The following MARCHF5 variants were observed in gnomAD, a reference collection of about 807,000 sequenced individuals.
The protein encoded by MARCHF5 is E3 ubiquitin-protein ligase MARCHF5.
In MARCHF5, 5 loss-of-function variants were observed where a neutral mutation model predicts 36.5. That is an observed-to-expected ratio of 0.14 (90% CI 0.07 to 0.29). The LOEUF is 0.29. MARCHF5 is among the 10% of genes least tolerant of loss of function. MARCHF5 has a pLI of 1.00. For missense variants in MARCHF5, 179 were observed against 336.3 expected (o/e 0.53, Z 3.66); for synonymous variants, 103 against 109.9 (o/e 0.94, Z 0.39).
intron 1 of MARCHF5, among the ~76,000 whole-genome samples, chr10:92,310,825 A>G (rs1336998455): frequency 6.6e-6 from 1 of 152,214 alleles, no homozygotes; most frequent in Non-Finnish European, 1.5e-5. Context: ...AACAAAAACA[A>G]CTTGAGGTTT....
chr10:92,340,817 C>T lies in MARCHF5; in HGVS notation c.369+14C>T. The T allele has an allele frequency of 6.3e-7, 1 of 1,587,442 alleles. No homozygotes were observed. Among genetic ancestry groups the T allele is most frequent in the South Asian group, 1.2e-5 (1 of 86,092 alleles). Reference sequence around the variant, plus strand: ...ACAGTGATGCAGGTTCACTATTTTACCTATATAGTGATATTACTTGGTGTG... The same window carrying T: ...ACAGTGATGCAGGTTCACTATTTTATCTATATAGTGATATTACTTGGTGTG... On this transcript the variant is annotated intron_variant, in intron 3 of 5. Coordinates refer to ENST00000358935, the MANE Select transcript of MARCHF5 (RefSeq NM_017824.5).
chr10:92,328,383 G>A (rs1220407068), intron 2 of MARCHF5, among the ~76,000 whole-genome samples: 2 of 149,510 alleles, frequency 1.3e-5, no homozygotes, highest in Admixed American at 6.6e-5. Context: ...TTCAATGGTG[G>A]TGTTGATTTT....
intron 2 of MARCHF5, among the ~76,000 whole-genome samples, chr10:92,313,970 A>C (rs990685875): frequency 6.6e-6 from 1 of 152,110 alleles, no homozygotes; most frequent in Non-Finnish European, 1.5e-5. Flanking sequence ...AGGTGGGTGG[A>C]TTGCTTGTGG....
Position 92,314,649 on chromosome 10 carries a change from GA to G in MARCHF5, c.238+3322del, listed in dbSNP as rs891126773. Among the ~76,000 whole-genome samples the G allele has an allele frequency of 3.3e-4, 45 of 137,812 alleles. 1 individual carries two copies. Among genetic ancestry groups the G allele is most frequent in the Middle Eastern group, 3.8e-3 (1 of 264 alleles). 90.4% of individuals were successfully genotyped at this position (137,812 alleles called of 152,430 possible). ...AGAGCAAGACTCTGTCTCAAAAAAA[GA>G]AAAAAAAAAGTATATCCTTCATTTG... is the stretch of plus-strand genomic sequence containing the variant. On this transcript the variant is annotated intron_variant, in intron 2 of 5. Transcript: ENST00000358935.
chr10:92,350,176 A>C, intron 5 of MARCHF5: 1 of 224,224 alleles, frequency 4.5e-6, no homozygotes, highest in Non-Finnish European at 8.7e-6. Context: ...TGAAATCTAA[A>C]TCAAATGTCT....
At position 92,353,488 on chromosome 10, in the gene MARCHF5, C is replaced by CA. The variant is rs930509010; in HGVS notation, c.*2282dup. 1 of 152,176 alleles carries CA rather than the reference C, an allele frequency of 6.6e-6. No homozygotes were observed. The highest frequency in any genetic ancestry group is 2.4e-5 in the African/African-American group (1 of 41,432). 9.4% of individuals were successfully genotyped at this position (152,176 alleles called of 1,614,324 possible). Reference sequence around the variant, plus strand: ...AGGATTAACTGAGAGATTAAAGGAACAGCAGCACTTAGGCTCAAAATCGCC... The same window carrying CA: ...AGGATTAACTGAGAGATTAAAGGAACAAGCAGCACTTAGGCTCAAAATCGCC... On this transcript the variant is annotated 3_prime_UTR_variant, in exon 6 of 6. Transcript: ENST00000358935.
intron 2 of MARCHF5, among the ~76,000 whole-genome samples, chr10:92,333,778 T>C (rs1012042647): frequency 2.0e-5 from 3 of 152,162 alleles, no homozygotes; most frequent in Non-Finnish European, 4.4e-5. Context: ...ATTCCAGACA[T>C]GTAGCAAAAA....
intron 2 of MARCHF5, among the ~76,000 whole-genome samples, chr10:92,320,571 G>A (rs962204688): frequency 5.9e-5 from 9 of 151,936 alleles, no homozygotes; most frequent in Admixed American, 6.5e-5. Flanking sequence ...ACCCTGTGTA[G>A]GCCTAGGCTA....
chr10:92,326,742 C>T (rs1050227986), intron 2 of MARCHF5, among the ~76,000 whole-genome samples: 1 of 150,554 alleles, frequency 6.6e-6, no homozygotes, highest in East Asian at 1.9e-4. Context: ...ATAGCAAATA[C>T]ATCAAAGAGA....
chr10:92,292,610 T>A (rs184693915), intron 1 of MARCHF5, among the ~76,000 whole-genome samples: 25 of 152,326 alleles, frequency 1.6e-4, no homozygotes, highest in Admixed American at 2.0e-4. Flanking sequence ...TTTTTGGAGC[T>A]TAGAATTTTG....
At chr10:92,316,565 T>A (rs1251061381) in intron 2 of MARCHF5, among the ~76,000 whole-genome samples, 1 of 152,122 alleles carries the variant, frequency 6.6e-6, no homozygotes, top group African/African-American at 2.4e-5. Flanking sequence ...CTGCTTTTTT[T>A]AATTTTTATT....
chr10:92,336,899 G>T (rs1227482495), intron 2 of MARCHF5, among the ~76,000 whole-genome samples: 2 of 152,178 alleles, frequency 1.3e-5, no homozygotes, highest in African/African-American at 4.8e-5. Context: ...AAGGTGGGCA[G>T]ATCGCTTGAG....
At chr10:92,320,422 C>T (rs1270575195) in intron 2 of MARCHF5, among the ~76,000 whole-genome samples, 1 of 152,018 alleles carries the variant, frequency 6.6e-6, no homozygotes, top group African/African-American at 2.4e-5. Flanking sequence ...CAGCCTCAGG[C>T]ATATCCTTCA....
At chr10:92,346,492 CTTT>C (rs763991703) in intron 3 of MARCHF5, among the ~76,000 whole-genome samples, 2 of 88,300 alleles carry the variant, frequency 2.3e-5, no homozygotes, top group African/African-American at 4.2e-5. Flanking sequence ...CTATTTCCTT[CTTT>C]TTTTTTTTTT....
intron 1 of MARCHF5, among the ~76,000 whole-genome samples, chr10:92,308,090 G>GC (rs1439948324): frequency 1.3e-5 from 2 of 151,762 alleles, no homozygotes; most frequent in African/African-American, 4.8e-5. Context: ...ACAGGCACCT[G>GC]CCACCACGCC....
chr10:92,349,793 T>C lies in MARCHF5; in HGVS notation c.676T>C (p.Leu226=), dbSNP rs140663239. 4.1e-3 allele frequency: 6,599 copies of C among 1,613,976 alleles called. 17 individuals are homozygous for C. The highest frequency in any genetic ancestry group is 4.7e-3 in the Non-Finnish European group (5,501 of 1,179,834). ...TACTATTGCTACAATAGTTGGTAAA[T>C]TGATGTTCAGTAGTGTTAACTCTAA... ...FPTIATIVGK[L]MFSSVNSNLQ... The change falls in exon 5 of 6, where the codon TTG becomes CTG. Residue 226 remains leucine, a synonymous_variant. Transcript: ENST00000358935.
Position 92,291,473 on chromosome 10 carries a change from G to A in MARCHF5, c.-22G>A, listed in dbSNP as rs1292092366. ...TTGAGCGGGTCCACTGGGGAAGGCC[G>A]TGTGCGCCGGCTCCGCGGAAGATGC... On this transcript the variant is annotated 5_prime_UTR_variant, in exon 1 of 6. The change creates a new upstream start codon in the 5' untranslated region. Transcript: ENST00000358935. The A allele has an allele frequency of 1.3e-6, 2 of 1,544,078 alleles. No individual in the cohort carries two copies. The highest frequency in any genetic ancestry group is 1.8e-6 in the Non-Finnish European group (2 of 1,141,542).
chr10:92,353,398 T>C lies in MARCHF5; in HGVS notation c.*2191T>C, dbSNP rs1843742145. 6.6e-6 allele frequency: 1 copy of C among 152,218 alleles called. No individual in the cohort carries two copies. Among genetic ancestry groups the C allele is most frequent in the Non-Finnish European group, 1.5e-5 (1 of 68,046 alleles). 9.4% of individuals were successfully genotyped at this position (152,218 alleles called of 1,614,324 possible). A position where few individuals can be genotyped will look rare whatever the true frequency, so the allele number is the denominator to read the frequency against. On this transcript the variant is annotated 3_prime_UTR_variant, in exon 6 of 6. Coordinates refer to ENST00000358935, the MANE Select transcript of MARCHF5 (RefSeq NM_017824.5). ...TGATTTTGGCTAAAGGATTTGACTT[T>C]CTCTCAACTGCAGTTTTCTTAATCT...
At chr10:92,303,584 A>G (rs983736986) in intron 1 of MARCHF5, among the ~76,000 whole-genome samples, 5 of 152,164 alleles carry the variant, frequency 3.3e-5, no homozygotes, top group South Asian at 2.1e-4. Context: ...AGTTCCTTAC[A>G]TGTAGTTCCT....
Sources: gnomAD v4.1 joint callset for allele counts (sites outside exome capture counted in the v4.1 genomes callset) on GRCh38, gnomAD v4.1.1 for gene constraint, MANE v1.5 for transcripts, NCBI Gene and HGNC (gene_info 2026-07-23, HGNC 2026-07-21) for gene names.